RNF43: variants seen among roughly 807,000 people sequenced by gnomAD.
RNF43 encodes E3 ubiquitin-protein ligase RNF43.
RNF43 carries 37 observed loss-of-function variants against 78.4 expected under a neutral mutation model. The ratio of observed to expected loss-of-function variants is 0.47; its 90% CI spans 0.36 to 0.62. The LOEUF is 0.62. Ranked by LOEUF, RNF43 falls within the 20% of genes least tolerant of loss-of-function variation. The probability of loss-of-function intolerance (pLI) is 0.00; values close to 1 mark genes in which losing one functional copy is unlikely to be tolerated. For synonymous variants in RNF43, 347 were observed against 395.0 expected (o/e 0.88, Z 1.44); for missense variants, 774 against 1,007.9 (o/e 0.77, Z 3.14).
chr17:58,385,292 T>C (rs1234549401), intron 2 of RNF43, among the ~76,000 whole-genome samples: 1 of 152,236 alleles, frequency 6.6e-6, no homozygotes, highest in Non-Finnish European at 1.5e-5. Context: ...TTCAAAATGC[T>C]TGTTAGACTT....
intron 2 of RNF43, among the ~76,000 whole-genome samples, chr17:58,404,685 G>C (rs1435697580): frequency 1.3e-5 from 2 of 152,114 alleles, no homozygotes; most frequent in African/African-American, 4.8e-5. Flanking sequence ...AATGGTACTA[G>C]AAACAATTTT....
In RNF43 at chr17:58,357,720, G is replaced by A. The variant is rs1236435059; in HGVS notation, c.2056C>T (p.Pro686Ser). ...PACQIFPHYT[P>S]SVAYPWSPEA... ...GGGGACCAAGGATATGCCACACTGG[G>A]GGTGTAATGGGGAAAAATCTGGCAA... The change falls in exon 9 of 10, where the codon CCC becomes TCC. Residue 686 changes from proline (P) to serine (S), a missense_variant. By Grantham distance (74) the Pro-to-Ser change is moderately conservative. Coordinates refer to ENST00000407977, the MANE Select transcript of RNF43 (RefSeq NM_017763.6). This position sits in a 1 kb window ranked among gnomAD's most constrained non-coding sequence, Gnocchi z 4.5. 1.9e-6 allele frequency: 3 copies of A among 1,611,704 alleles called. No homozygotes were observed. The highest frequency in any genetic ancestry group is 2.5e-6 in the Non-Finnish European group (3 of 1,178,738).
chr17:58,392,452 A>G (rs919276585), intron 2 of RNF43, among the ~76,000 whole-genome samples: 2 of 152,352 alleles, frequency 1.3e-5, no homozygotes, highest in African/African-American at 2.4e-5. Context: ...TTAAGTACCT[A>G]TTGACCTCTG....
chr17:58,399,190 T>A (rs1973743949), intron 2 of RNF43, among the ~76,000 whole-genome samples: 1 of 152,224 alleles, frequency 6.6e-6, no homozygotes, highest in African/African-American at 2.4e-5. Context: ...AGGAAACCCA[T>A]AATTACCTTT....
intron 2 of RNF43, among the ~76,000 whole-genome samples, chr17:58,384,904 C>T (rs1973399983): frequency 6.6e-6 from 1 of 152,178 alleles, no homozygotes; most frequent in South Asian, 2.1e-4. Context: ...TTCTTGATTG[C>T]TGAATTTCCT....
chr17:58,396,962 T>G (rs1477170111), intron 2 of RNF43, among the ~76,000 whole-genome samples: 1 of 152,148 alleles, frequency 6.6e-6, no homozygotes, highest in Non-Finnish European at 1.5e-5. Context: ...CAGAACTTGT[T>G]GAGTTCCTTT....
At chr17:58,362,085 C>T (rs899384812) in intron 6 of RNF43, among the ~76,000 whole-genome samples, 3 of 145,634 alleles carry the variant, frequency 2.1e-5, no homozygotes, top group African/African-American at 7.6e-5. Context: ...GACTCTGTCT[C>T]AAAACAAACA....
intron 2 of RNF43, among the ~76,000 whole-genome samples, chr17:58,403,143 G>C (rs1048456591): frequency 2.1e-4 from 32 of 152,142 alleles, no homozygotes; most frequent in African/African-American, 7.7e-4. Flanking sequence ...ATTAAGTCCA[G>C]ATAAGGCAAT....
chr17:58,410,035 T>A (rs1213818816), intron 2 of RNF43, among the ~76,000 whole-genome samples: 1 of 99,724 alleles, frequency 1.0e-5, no homozygotes, highest in Non-Finnish European at 1.9e-5. Flanking sequence ...CAACCGAGAG[T>A]CTGCCAAATG....
chr17:58,379,316 G>A (rs916723193), intron 2 of RNF43, among the ~76,000 whole-genome samples: 5 of 152,012 alleles, frequency 3.3e-5, no homozygotes, highest in East Asian at 3.9e-4. Flanking sequence ...TCCCAGCCTC[G>A]GCTTCCTTCC....
Position 58,357,620 on chromosome 17 carries a change from T to A in RNF43, c.2156A>T (p.Tyr719Phe). ...CAACCACACTGGCTGTGAATTTGAG[T>A]AACAGGGGCCTGGGGTTTCTGGTAG... ...RLLPETPGPCYSNSQPVWLCL... is the reference protein window; with the variant it reads ...RLLPETPGPCFSNSQPVWLCL... Residue 719 changes from tyrosine to phenylalanine, a missense_variant, in exon 9 of 10, where the codon TAC becomes TTC. Tyr to Phe is a conservative substitution (Grantham distance 22, BLOSUM62 3). Coordinates refer to ENST00000407977, the MANE Select transcript of RNF43 (RefSeq NM_017763.6). This position sits in a 1 kb window ranked among gnomAD's most constrained non-coding sequence, Gnocchi z 4.5. 1 of 1,613,532 alleles carries A rather than the reference T, an allele frequency of 6.2e-7. No individual in the cohort carries two copies.
At chr17:58,411,391 AAC>A (rs1974021616) in intron 2 of RNF43, among the ~76,000 whole-genome samples, 1 of 152,070 alleles carries the variant, frequency 6.6e-6, no homozygotes, top group Admixed American at 6.6e-5. Flanking sequence ...TTTGGCCAAA[AAC>A]TTAAAGTTTC....
At chr17:58,396,120 G>A (rs1371642541) in intron 2 of RNF43, among the ~76,000 whole-genome samples, 2 of 152,140 alleles carry the variant, frequency 1.3e-5, no homozygotes, top group Non-Finnish European at 2.9e-5. Context: ...ACCCAGTATA[G>A]CATATGACAT....
At chr17:58,366,844 GAGAC>G (rs1972963387) in intron 3 of RNF43, among the ~76,000 whole-genome samples, 1 of 152,068 alleles carries the variant, frequency 6.6e-6, no homozygotes, top group Non-Finnish European at 1.5e-5. Flanking sequence ...TATTATTTTT[GAGAC>G]AGAGTCTCAC....
intron 3 of RNF43, among the ~76,000 whole-genome samples, chr17:58,365,386 C>T (rs1456614390): frequency 6.6e-6 from 1 of 152,160 alleles, no homozygotes; most frequent in Non-Finnish European, 1.5e-5. Context: ...CTGGACCCAC[C>T]CTGGCCTGGA....
intron 2 of RNF43, among the ~76,000 whole-genome samples, chr17:58,403,820 A>C (rs1002956017): frequency 3.3e-5 from 5 of 152,198 alleles, no homozygotes; most frequent in Non-Finnish European, 7.3e-5. Context: ...TATTCAGCTT[A>C]TCTCTAATAA....
intron 2 of RNF43, among the ~76,000 whole-genome samples, chr17:58,386,229 C>T (rs1181194475): frequency 1.3e-5 from 2 of 152,082 alleles, no homozygotes; most frequent in Non-Finnish European, 1.5e-5. Flanking sequence ...AGTTCGAGAC[C>T]AGCCTGGCCA....
At position 58,415,362 on chromosome 17, in the gene RNF43, A is replaced by T. The variant is rs1173118040; in HGVS notation, c.216T>A (p.Val72=). The T allele has an allele frequency of 6.2e-7, 1 of 1,614,262 alleles. No individual in the cohort carries two copies. ...NLTLEGVFAG[V]AEITPAEGKL... is the part of the protein sequence containing the mutation. ...TTCCTTCTGCTGGAGTTATTTCAGCAACACCAGCAAACACACCTTCCAAAG... is the reference window on the plus strand; with the variant it reads ...TTCCTTCTGCTGGAGTTATTTCAGCTACACCAGCAAACACACCTTCCAAAG... Residue 72 remains valine, a synonymous_variant, in exon 2 of 10, where the codon GTT becomes GTA. Transcript: ENST00000407977.
intron 8 of RNF43, among the ~76,000 whole-genome samples, chr17:58,359,795 G>A (rs1163285092): frequency 2.0e-5 from 3 of 151,220 alleles, no homozygotes; most frequent in African/African-American, 7.3e-5. Flanking sequence ...GCATGGTGGC[G>A]CATGCCTGTA....
Sources: allele counts gnomAD v4.1 joint callset (sites outside exome capture counted in the v4.1 genomes callset), GRCh38; gene constraint gnomAD v4.1.1; non-coding constraint Gnocchi (gnomAD v3.1); transcripts MANE v1.5; gene names NCBI Gene and HGNC (gene_info 2026-07-23, HGNC 2026-07-21).